CSMD1: variants seen among roughly 807,000 people sequenced by gnomAD.
CSMD1 encodes the protein CUB and sushi domain-containing protein 1.
In CSMD1, 213 loss-of-function variants were observed where a neutral mutation model predicts 417.5. The observed-to-expected ratio is 0.51, with a 90% confidence interval of 0.46 to 0.57. The LOEUF is 0.57. CSMD1 is among the 20% of genes least tolerant of loss of function. The pLI, the probability that CSMD1 is intolerant of heterozygous loss-of-function variation, is 0.00. For synonymous variants in CSMD1, 2,862 were observed against 1,736.8 expected (o/e 1.65, Z -16.11); for missense variants, 6,923 against 4,529.7 (o/e 1.53, Z -15.17).
chr8:3,389,766 T>A (rs1811236402), intron 17 of CSMD1, among the ~76,000 whole-genome samples: 1 of 152,174 alleles, frequency 6.6e-6, no homozygotes, highest in Non-Finnish European at 1.5e-5. Flanking sequence ...AAACATCGAA[T>A]TAAAATGTTG....
intron 3 of CSMD1, among the ~76,000 whole-genome samples, chr8:4,249,889 G>T (rs1035439723): frequency 1.3e-5 from 2 of 152,172 alleles, no homozygotes; most frequent in African/African-American, 4.8e-5. Context: ...AATCCCCAAT[G>T]AGGCAGTGCT....
intron 1 of CSMD1, among the ~76,000 whole-genome samples, chr8:4,932,853 G>C (rs186644314): frequency 6.6e-6 from 1 of 152,196 alleles, no homozygotes; most frequent in African/African-American, 2.4e-5. Context: ...AGGTCCTGTC[G>C]ACGCCTCAAA....
chr8:4,219,118 C>T (rs754539327), intron 3 of CSMD1, among the ~76,000 whole-genome samples: 1 of 152,120 alleles, frequency 6.6e-6, no homozygotes, highest in Admixed American at 6.6e-5. Flanking sequence ...ATGATCAGAC[C>T]CAGCCTCCTT....
At chr8:4,134,997 T>C (rs940513234) in intron 3 of CSMD1, among the ~76,000 whole-genome samples, 1 of 152,202 alleles carries the variant, frequency 6.6e-6, no homozygotes, top group Non-Finnish European at 1.5e-5. Flanking sequence ...GGTTCTCTTC[T>C]GCCTCTAGAA....
At chr8:4,397,246 G>C (rs1361193842) in intron 3 of CSMD1, among the ~76,000 whole-genome samples, 4 of 152,028 alleles carry the variant, frequency 2.6e-5, no homozygotes, top group Admixed American at 1.3e-4. Context: ...TAGCGTGTGA[G>C]CATGCGTTTT....
chr8:3,755,338 G>A (rs147002677), intron 5 of CSMD1, among the ~76,000 whole-genome samples: 11 of 152,316 alleles, frequency 7.2e-5, no homozygotes, highest in Non-Finnish European at 1.6e-4. Context: ...GTCGAAAGAT[G>A]ATAGAGATGC....
At chr8:3,605,620 T>A (rs193142903) in intron 8 of CSMD1, among the ~76,000 whole-genome samples, 22 of 152,308 alleles carry the variant, frequency 1.4e-4, no homozygotes, top group Non-Finnish European at 2.8e-4. Flanking sequence ...TTCCGTTTGA[T>A]GACACATAAT....
intron 3 of CSMD1, among the ~76,000 whole-genome samples, chr8:4,209,265 G>A (rs1179136547): frequency 2.6e-5 from 4 of 152,060 alleles, no homozygotes; most frequent in Non-Finnish European, 2.9e-5. Flanking sequence ...GCAGCCAGCT[G>A]GCCTCTTTCC....
intron 5 of CSMD1, among the ~76,000 whole-genome samples, chr8:3,871,575 A>G (rs766317243): frequency 2.6e-4 from 40 of 152,188 alleles, no homozygotes; most frequent in South Asian, 8.3e-4. Context: ...TTGATTCATA[A>G]TTTTTATATA....
intron 49 of CSMD1, among the ~76,000 whole-genome samples, chr8:3,052,904 C>T (rs1002206373): frequency 6.6e-6 from 1 of 151,848 alleles, no homozygotes; most frequent in African/African-American, 2.4e-5. Context: ...ATTCTCATGC[C>T]TCAGCTTCCC....
intron 3 of CSMD1, among the ~76,000 whole-genome samples, chr8:4,289,774 C>A (rs138332928): frequency 6.6e-6 from 1 of 152,148 alleles, no homozygotes; most frequent in African/African-American, 2.4e-5. Flanking sequence ...ACTGGAAGCA[C>A]CATAGTTAAA....
intron 5 of CSMD1, among the ~76,000 whole-genome samples, chr8:3,911,533 A>C (rs1808468030): frequency 6.9e-5 from 4 of 57,760 alleles, no homozygotes; most frequent in Admixed American, 3.0e-4. Flanking sequence ...GTCTCAAAAT[A>C]AAAAAAAAAA....
At chr8:3,486,689 C>T (rs1457707865) in intron 11 of CSMD1, among the ~76,000 whole-genome samples, 1 of 152,236 alleles carries the variant, frequency 6.6e-6, no homozygotes, top group African/African-American at 2.4e-5. Context: ...GCTCCGATTC[C>T]TGTGGGACCT....
intron 5 of CSMD1, among the ~76,000 whole-genome samples, chr8:3,883,504 C>G (rs961858830): frequency 1.3e-5 from 2 of 152,138 alleles, no homozygotes; most frequent in Non-Finnish European, 2.9e-5. Context: ...CTTTTCACTG[C>G]TCCTTTAAAT....
chr8:3,167,469 C>G (rs542807517), intron 37 of CSMD1, among the ~76,000 whole-genome samples: 2 of 152,216 alleles, frequency 1.3e-5, no homozygotes, highest in African/African-American at 4.8e-5. Context: ...TTTAAAAACA[C>G]TTAAACAAGA....
chr8:3,715,236 G>C (rs1474234830), intron 6 of CSMD1, among the ~76,000 whole-genome samples: 5 of 152,110 alleles, frequency 3.3e-5, no homozygotes, highest in African/African-American at 9.7e-5. Context: ...TTCTAAGTAA[G>C]CGTTGAGCCA....
chr8:3,042,585 G>A (rs929266835), intron 50 of CSMD1, among the ~76,000 whole-genome samples: 1 of 152,114 alleles, frequency 6.6e-6, no homozygotes, highest in African/African-American at 2.4e-5. Context: ...GGGTAACCCT[G>A]TGGATGAGCA....
At chr8:4,086,744 T>A (rs1800442024) in intron 3 of CSMD1, among the ~76,000 whole-genome samples, 1 of 152,352 alleles carries the variant, frequency 6.6e-6, no homozygotes, top group East Asian at 1.9e-4. Context: ...TTATTGAGTT[T>A]CTGGTCAATT....
At chr8:4,979,808 C>T (rs926317398) in intron 1 of CSMD1, among the ~76,000 whole-genome samples, 3 of 152,022 alleles carry the variant, frequency 2.0e-5, no homozygotes, top group Admixed American at 6.6e-5. Flanking sequence ...GAGGCTGAAG[C>T]GGGTGGATCA....
Sources: gnomAD v4.1 joint callset for allele counts (sites outside exome capture counted in the v4.1 genomes callset) on GRCh38, gnomAD v4.1.1 for gene constraint, MANE v1.5 for transcripts, NCBI Gene and HGNC (gene_info 2026-07-23, HGNC 2026-07-21) for gene names.